OCA2: variants seen among roughly 807,000 people sequenced by gnomAD.
OCA2 encodes OCA2 melanosomal transmembrane protein.
In OCA2, 77 loss-of-function variants were observed where a neutral mutation model predicts 100.2. That is an observed-to-expected ratio of 0.77 (90% confidence interval 0.64 to 0.93). OCA2 has a LOEUF of 0.93. Among genes scored for constraint, OCA2 ranks in the 40% least tolerant of loss-of-function variants. OCA2 has a pLI of 0.00. For missense variants in OCA2, 1,062 were observed against 1,089.1 expected (o/e 0.98, Z 0.35); for synonymous variants, 432 against 439.2 (o/e 0.98, Z 0.21).
At chr15:28,067,629 T>C (rs1055983617) in intron 2 of OCA2, among the ~76,000 whole-genome samples, 5 of 152,236 alleles carry the variant, frequency 3.3e-5, no homozygotes, top group African/African-American at 1.2e-4. Flanking sequence ...TTAATTTCCA[T>C]GTATTTTTGT....
intron 23 of OCA2, among the ~76,000 whole-genome samples, chr15:27,783,180 G>C (rs1225381890): frequency 1.3e-5 from 2 of 152,202 alleles, no homozygotes; most frequent in Non-Finnish European, 1.5e-5. Flanking sequence ...TCCAGGCCCT[G>C]GGTGGGGGGA....
chr15:27,752,153 C>T (rs1034900117), downstream of OCA2, among the ~76,000 whole-genome samples: 5 of 152,182 alleles, frequency 3.3e-5, no homozygotes, highest in African/African-American at 1.2e-4. Flanking sequence ...AGGACCAGAT[C>T]CTCGTCTGCA....
chr15:28,072,761 C>T (rs2044305808), intron 2 of OCA2, among the ~76,000 whole-genome samples: 1 of 152,088 alleles, frequency 6.6e-6, no homozygotes, highest in South Asian at 2.1e-4. Context: ...CCATCTCACA[C>T]CAGTCAGAAT....
chr15:27,936,800 G>A (rs1354526095), intron 18 of OCA2, among the ~76,000 whole-genome samples: 1 of 152,174 alleles, frequency 6.6e-6, no homozygotes, highest in African/African-American at 2.4e-5. Flanking sequence ...AAAGCTCGGA[G>A]TGAAGCTAAT....
At chr15:27,963,329 A>C (rs1416300577) in intron 15 of OCA2, among the ~76,000 whole-genome samples, 3 of 152,198 alleles carry the variant, frequency 2.0e-5, no homozygotes, top group Non-Finnish European at 2.9e-5. Context: ...CAAGAGCAGA[A>C]TACGTTTTCA....
chr15:27,720,904 G>A, the OCA2 span, among the ~76,000 whole-genome samples: 2 of 152,244 alleles, frequency 1.3e-5, no homozygotes, highest in South Asian at 4.2e-4. Flanking sequence ...AAAGAAAGGA[G>A]CATGCGAATC....
chr15:27,844,275 C>T (rs1186730959), intron 23 of OCA2, among the ~76,000 whole-genome samples: 1 of 152,228 alleles, frequency 6.6e-6, no homozygotes, highest in Non-Finnish European at 1.5e-5. Context: ...CACTGCCAGG[C>T]TGCCCCCATT....
the OCA2 span, among the ~76,000 whole-genome samples, chr15:27,744,231 C>A: frequency 6.6e-6 from 1 of 152,142 alleles, no homozygotes; most frequent in Non-Finnish European, 1.5e-5. Context: ...CCTGGTGGGG[C>A]CAGCGGAGGG....
intron 2 of OCA2, among the ~76,000 whole-genome samples, chr15:28,058,854 GGAGAGTCT>G (rs1406318449): frequency 1.3e-5 from 2 of 152,168 alleles, no homozygotes; most frequent in African/African-American, 4.8e-5. Context: ...GGTGTGCAGG[GGAGAGTCT>G]GCGCTGGGGT....
At chr15:28,062,572 G>A (rs886096074) in intron 2 of OCA2, among the ~76,000 whole-genome samples, 1 of 152,086 alleles carries the variant, frequency 6.6e-6, no homozygotes, top group African/African-American at 2.4e-5. Flanking sequence ...TTTTGATAAA[G>A]TCCAATTTAT....
intron 4 of OCA2, among the ~76,000 whole-genome samples, chr15:28,027,332 C>T (rs961321177): frequency 2.6e-5 from 4 of 152,208 alleles, no homozygotes; most frequent in African/African-American, 9.6e-5. Flanking sequence ...CTATGCAACT[C>T]TGCTTCCCCA....
chr15:27,941,025 C>T (rs1226067003), intron 18 of OCA2, among the ~76,000 whole-genome samples: 2 of 152,162 alleles, frequency 1.3e-5, no homozygotes, highest in Admixed American at 6.5e-5. Context: ...ATATCCTGAG[C>T]CCTGAAAGGA....
chr15:28,007,629 C>T (rs751994385), intron 9 of OCA2, among the ~76,000 whole-genome samples: 1 of 151,934 alleles, frequency 6.6e-6, no homozygotes, highest in Non-Finnish European at 1.5e-5. Context: ...ACTTGGGAAG[C>T]TGAGGCAGGA....
chr15:27,796,818 G>A (rs888122159), intron 23 of OCA2, among the ~76,000 whole-genome samples: 1 of 152,164 alleles, frequency 6.6e-6, no homozygotes, highest in African/African-American at 2.4e-5. Context: ...TGCCTCCCAT[G>A]CTCCCCCTTT....
At chr15:27,803,858 T>C (rs919543364) in intron 23 of OCA2, among the ~76,000 whole-genome samples, 2 of 152,140 alleles carry the variant, frequency 1.3e-5, no homozygotes, top group Admixed American at 1.3e-4. Context: ...AAATGAGAGT[T>C]CTCATACACT....
At chr15:27,929,655 T>G (rs1597204) in intron 18 of OCA2, among the ~76,000 whole-genome samples, 29,294 of 151,856 alleles carry the variant, frequency 0.19, 4,138 homozygotes, top group East Asian at 0.62. Context: ...ATCAAAATTA[T>G]GAATTCCTGT....
At chr15:27,909,514 T>C (rs2038304621) in intron 19 of OCA2, among the ~76,000 whole-genome samples, 1 of 152,248 alleles carries the variant, frequency 6.6e-6, no homozygotes, top group Middle Eastern at 3.4e-3. Context: ...AAACATATTA[T>C]AAAGCCTCAA....
intron 9 of OCA2, among the ~76,000 whole-genome samples, chr15:28,004,754 C>T (rs2042039370): frequency 6.6e-6 from 1 of 152,086 alleles, no homozygotes. Context: ...CACACACAGA[C>T]ACATGGTCTC....
At chr15:27,851,511 G>A in intron 21 of OCA2, 36 bp from the exon 22 acceptor site, 1 of 1,549,400 alleles carries the variant, frequency 6.5e-7, no homozygotes, top group South Asian at 1.1e-5. Context: ...CACGTCCCAT[G>A]GACGCTCAGA....
Sources: gnomAD v4.1 joint callset for allele counts (sites outside exome capture counted in the v4.1 genomes callset) on GRCh38, gnomAD v4.1.1 for gene constraint, MANE v1.5 for transcripts, NCBI Gene and HGNC (gene_info 2026-07-23, HGNC 2026-07-21) for gene names.